The following MPPED1 variants were observed in gnomAD, a reference collection of about 807,000 sequenced individuals.
MPPED1 encodes the protein metallophosphoesterase domain-containing protein 1.
A neutral mutation model predicts 36.2 loss-of-function variants in MPPED1; 16 were observed. That is an observed-to-expected ratio of 0.44 (90% CI 0.30 to 0.67). The LOEUF (loss-of-function observed/expected upper bound fraction) is 0.67. MPPED1 is among the 30% of genes least tolerant of loss of function. MPPED1 has a pLI of 0.10. For synonymous variants in MPPED1, 199 were observed against 191.3 expected (o/e 1.04, Z -0.33); for missense variants, 307 against 453.4 (o/e 0.68, Z 2.93).
chr22:43,441,176 A>G (rs1450766196), intron 3 of MPPED1, among the ~76,000 whole-genome samples: 2 of 151,810 alleles, frequency 1.3e-5, no homozygotes, highest in Non-Finnish European at 1.5e-5. Context: ...GAACTCCCAA[A>G]CCTCTGACCC....
At chr22:43,451,888 G>T (rs1024145118) in intron 3 of MPPED1, among the ~76,000 whole-genome samples, 1 of 152,172 alleles carries the variant, frequency 6.6e-6, no homozygotes, top group Non-Finnish European at 1.5e-5. Context: ...AGGTTTTCCC[G>T]CCTCCATGCC....
chr22:43,470,683 C>G (rs1277911045), intron 3 of MPPED1, among the ~76,000 whole-genome samples: 1 of 152,232 alleles, frequency 6.6e-6, no homozygotes, highest in Non-Finnish European at 1.5e-5. Context: ...GTCCATTGTC[C>G]TCTGTAATTG....
intron 3 of MPPED1, among the ~76,000 whole-genome samples, chr22:43,449,170 A>G (rs1445675976): frequency 6.6e-6 from 1 of 152,196 alleles, no homozygotes; most frequent in Non-Finnish European, 1.5e-5. Flanking sequence ...CCTCGTATCC[A>G]AGTCACACGG....
chr22:43,496,622 A>ATAG (rs1569089833), intron 4 of MPPED1, among the ~76,000 whole-genome samples: 1 of 2,138 alleles, frequency 4.7e-4, no homozygotes, highest in Non-Finnish European at 7.0e-4. Context: ...GGTGGTGGAG[A>ATAG]TGGTGGTGGA....
At chr22:43,488,504 G>A (rs1931984537) in intron 4 of MPPED1, among the ~76,000 whole-genome samples, 1 of 152,168 alleles carries the variant, frequency 6.6e-6, no homozygotes, top group Admixed American at 6.5e-5. Flanking sequence ...GCCACGAGGA[G>A]GTCATTTATA....
In MPPED1 at chr22:43,425,158, T is replaced by A; in HGVS notation, c.173T>A (p.Phe58Tyr). 1 of 1,543,656 alleles carries A rather than the reference T, an allele frequency of 6.5e-7. No homozygotes were observed. Among genetic ancestry groups the A allele is most frequent in the Non-Finnish European group, 8.8e-7 (1 of 1,136,790 alleles). Residue 58 changes from phenylalanine to tyrosine, a missense_variant, in exon 2 of 7, where the codon TTC becomes TAC. Physicochemically the swap from Phe to Tyr is conservative, Grantham distance 22. Transcript: ENST00000443721. ...DEYSSNPTQA[F>Y]TFYNINQGRF... ...TACAGCTCCAACCCCACCCAGGCCT[T>A]CACCTTCTACAACATCAACCAGGGC...
At chr22:43,454,472 T>C (rs1168120244) in intron 3 of MPPED1, among the ~76,000 whole-genome samples, 2 of 152,084 alleles carry the variant, frequency 1.3e-5, no homozygotes, top group African/African-American at 4.8e-5. Context: ...GCCCAGCTTA[T>C]TTTTTGAATT....
intron 4 of MPPED1, among the ~76,000 whole-genome samples, chr22:43,496,142 ATGGTGGAGG>A (rs1932335252): frequency 2.5e-4 from 1 of 3,986 alleles, no homozygotes; most frequent in African/African-American, 1.8e-3. Context: ...GGAGGTGGTG[ATGGTGGAGG>A]TGGTGGTGGT....
At chr22:43,433,230 A>C (rs1181380820) in intron 2 of MPPED1, among the ~76,000 whole-genome samples, 2 of 152,072 alleles carry the variant, frequency 1.3e-5, no homozygotes, top group African/African-American at 4.8e-5. Flanking sequence ...AGAAGACCCC[A>C]GGCCAGGTTA....
intron 3 of MPPED1, among the ~76,000 whole-genome samples, chr22:43,445,469 T>G (rs1930301320): frequency 6.6e-6 from 1 of 152,038 alleles, no homozygotes; most frequent in African/African-American, 2.4e-5. Flanking sequence ...TTAATCAACA[T>G]CTCCATTCCT....
intron 3 of MPPED1, among the ~76,000 whole-genome samples, chr22:43,465,169 G>T (rs1931121744): frequency 6.6e-6 from 1 of 152,248 alleles, no homozygotes; most frequent in Admixed American, 6.5e-5. Context: ...ATAGTAGAGA[G>T]CTGAGCCGAC....
chr22:43,503,377 C>T (rs995727126), intron 6 of MPPED1, among the ~76,000 whole-genome samples: 7 of 152,182 alleles, frequency 4.6e-5, no homozygotes, highest in African/African-American at 1.4e-4. Flanking sequence ...ATATTTATCC[C>T]ACCTGCCCAA....
At chr22:43,493,971 G>C (rs963270011) in intron 4 of MPPED1, among the ~76,000 whole-genome samples, 1 of 152,134 alleles carries the variant, frequency 6.6e-6, no homozygotes, top group African/African-American at 2.4e-5. Context: ...AGCCTAGAGA[G>C]GCCTCTGCAA....
chr22:43,457,392 G>A (rs1445540093), intron 3 of MPPED1, among the ~76,000 whole-genome samples: 2 of 151,942 alleles, frequency 1.3e-5, no homozygotes, highest in Non-Finnish European at 2.9e-5. Context: ...CAACCCACTT[G>A]TTTCTTTGGA....
At chr22:43,427,809 C>T (rs1418392236) in intron 2 of MPPED1, among the ~76,000 whole-genome samples, 2 of 152,046 alleles carry the variant, frequency 1.3e-5, no homozygotes, top group Non-Finnish European at 2.9e-5. Flanking sequence ...CTTGCCGTGC[C>T]GCCCTCCTTG....
Position 43,502,564 on chromosome 22 carries a change from C to T in MPPED1, c.749-80C>T, listed in dbSNP as rs920250212. On this transcript the variant is annotated intron_variant, in intron 5 of 6. Transcript: ENST00000443721. The surrounding 1 kb of genome is among the most constrained non-coding windows in gnomAD (Gnocchi z 5.5). Reference sequence around the variant, plus strand: ...GAAGCCCCATGCCTTCTCCAGGCTGCAGAAGCTGCTGCTAGGCGTGGGGCA... The same window carrying T: ...GAAGCCCCATGCCTTCTCCAGGCTGTAGAAGCTGCTGCTAGGCGTGGGGCA... 3 of 1,132,884 alleles carry T rather than the reference C, an allele frequency of 2.6e-6. No homozygotes were observed. The highest frequency in any genetic ancestry group is 1.5e-5 in the African/African-American group (1 of 65,520). 70.2% of individuals were successfully genotyped at this position (1,132,884 alleles called of 1,614,324 possible).
At chr22:43,475,273 C>A (rs1168368917) in intron 4 of MPPED1, among the ~76,000 whole-genome samples, 2 of 152,018 alleles carry the variant, frequency 1.3e-5, no homozygotes, top group Admixed American at 6.6e-5. Flanking sequence ...TGGGTGAGGA[C>A]CTTGCCAAAG....
chr22:43,413,468 C>T (rs547535532), intron 1 of MPPED1, among the ~76,000 whole-genome samples: 4 of 152,144 alleles, frequency 2.6e-5, no homozygotes, highest in Admixed American at 6.5e-5. Context: ...CACGTCCAGT[C>T]GGAAGCCAGA....
chr22:43,504,522 T>C (rs1236703227), intron 6 of MPPED1, among the ~76,000 whole-genome samples: 5 of 148,346 alleles, frequency 3.4e-5, no homozygotes, highest in Non-Finnish European at 7.5e-5. Flanking sequence ...ATGGTAATTA[T>C]AAGGGTGGCA....
Sources: allele counts gnomAD v4.1 joint callset (sites outside exome capture counted in the v4.1 genomes callset), GRCh38; gene constraint gnomAD v4.1.1; non-coding constraint Gnocchi (gnomAD v3.1); transcripts MANE v1.5; gene names NCBI Gene and HGNC (gene_info 2026-07-23, HGNC 2026-07-21).